Variants in CCDC175 observed in about 807,000 individuals in gnomAD.
CCDC175 encodes coiled-coil domain-containing protein 175.
A neutral mutation model predicts 114.6 loss-of-function variants in CCDC175; 100 were observed. That is an observed-to-expected ratio of 0.87 (90% CI 0.74 to 1.03). The LOEUF (loss-of-function observed/expected upper bound fraction) is 1.03. CCDC175 is among the 50% of genes least tolerant of loss of function. CCDC175 has a pLI of 0.00. For missense variants in CCDC175, 880 were observed against 917.8 expected, an observed-to-expected ratio of 0.96 and a Z score of 0.53; for synonymous variants, 306 against 308.7, an observed-to-expected ratio of 0.99 and a Z score of 0.09.
intron 11 of CCDC175, 44 bp from the exon 12 acceptor site, chr14:59,538,884 A>G (rs549048763): frequency 7.4e-6 from 11 of 1,488,154 alleles, no homozygotes; most frequent in Middle Eastern, 1.7e-4. Flanking sequence ...TTGACATAGC[A>G]GTTTACTAAA....
intron 7 of CCDC175, among the ~76,000 whole-genome samples, chr14:59,560,883 CT>C (rs1356204644): frequency 6.6e-6 from 1 of 152,042 alleles, no homozygotes; most frequent in African/African-American, 2.4e-5. Context: ...CCAAAGAGTC[CT>C]TTCCTTTCCC....
intron 14 of CCDC175, among the ~76,000 whole-genome samples, chr14:59,527,707 T>C (rs1220078156): frequency 6.6e-6 from 1 of 152,138 alleles, no homozygotes; most frequent in Non-Finnish European, 1.5e-5. Flanking sequence ...ATATAATTAA[T>C]TCATACCAAA....
intron 7 of CCDC175, among the ~76,000 whole-genome samples, chr14:59,552,843 A>G (rs1280104643): frequency 1.3e-5 from 2 of 149,552 alleles, no homozygotes; most frequent in Non-Finnish European, 3.0e-5. Context: ...AGCTGATTTC[A>G]TCAACTGGAA....
intron 17 of CCDC175, among the ~76,000 whole-genome samples, chr14:59,519,718 C>T (rs1201257291): frequency 1.3e-5 from 2 of 152,190 alleles, no homozygotes; most frequent in East Asian, 1.9e-4. Flanking sequence ...GATGCTGACA[C>T]TTCTTCCATT....
chr14:59,521,308 C>G (rs967718778), intron 17 of CCDC175, among the ~76,000 whole-genome samples: 1 of 152,168 alleles, frequency 6.6e-6, no homozygotes, highest in South Asian at 2.1e-4. Context: ...GGATTTACAC[C>G]AGTGGTTTGG....
At chr14:59,544,018 T>C (rs1273237039) in intron 9 of CCDC175, among the ~76,000 whole-genome samples, 1 of 152,240 alleles carries the variant, frequency 6.6e-6, no homozygotes, top group Non-Finnish European at 1.5e-5. Context: ...AATAAGAGTG[T>C]GATCTTAAGC....
At chr14:59,523,920 CG>C (rs1893579810) in intron 16 of CCDC175, among the ~76,000 whole-genome samples, 1 of 151,604 alleles carries the variant, frequency 6.6e-6, no homozygotes, top group Admixed American at 6.6e-5. Context: ...ACCTGGGAGG[CG>C]GAGCTTGCAG....
At chr14:59,575,519 T>G (rs1329639984) in intron 1 of CCDC175, among the ~76,000 whole-genome samples, 1 of 149,522 alleles carries the variant, frequency 6.7e-6, no homozygotes, top group Non-Finnish European at 1.5e-5. Context: ...TTTTTTTTTT[T>G]TTTTTTTTGA....
intron 8 of CCDC175, 94 bp downstream of exon 8, chr14:59,551,261 C>T: frequency 1.6e-6 from 1 of 629,646 alleles, no homozygotes; most frequent in Non-Finnish European, 2.4e-6. Flanking sequence ...GAAAAACATC[C>T]TTTTGAAAAA....
intron 4 of CCDC175, 61 bp from the exon 5 acceptor site, chr14:59,565,336 T>A: frequency 7.6e-7 from 1 of 1,318,122 alleles, no homozygotes; most frequent in South Asian, 1.4e-5. Context: ...GAATAGTCTG[T>A]GTGGTGAGAA....
intron 4 of CCDC175, among the ~76,000 whole-genome samples, chr14:59,565,518 C>T (rs1896485448): frequency 1.3e-5 from 2 of 152,090 alleles, no homozygotes; most frequent in Admixed American, 6.5e-5. Flanking sequence ...TGCAGCCTGG[C>T]CAACATGGTG....
At chr14:59,561,701 G>A (rs1896235332) in intron 6 of CCDC175, among the ~76,000 whole-genome samples, 1 of 152,074 alleles carries the variant, frequency 6.6e-6, no homozygotes, top group Admixed American at 6.5e-5. Context: ...TTTAGGAAAT[G>A]GAATAATTGG....
chr14:59,523,897 G>A (rs961355932), intron 16 of CCDC175, among the ~76,000 whole-genome samples: 16 of 152,140 alleles, frequency 1.1e-4, no homozygotes, highest in African/African-American at 3.9e-4. Flanking sequence ...GCTGAGGCAG[G>A]AGAATGGCGT....
chr14:59,551,391 A>C lies in CCDC175; in HGVS notation c.999T>G (p.Asn333Lys). Residue 333 changes from asparagine (N) to lysine (K), a missense_variant, in exon 8 of 20, where the codon AAT becomes AAG. Asn to Lys is a moderately conservative substitution (Grantham distance 94). Transcript: ENST00000537690. ...TGTTCAGGAATTCATTTTTTTCATC[A>C]TTAGATATATCATCTAGTTTTTCTT... ...DNKEKLDDISNDEKNEFLNKI... is the reference protein window; with the variant it reads ...DNKEKLDDISKDEKNEFLNKI... 8.9e-6 allele frequency: 13 copies of C among 1,461,024 alleles called. No individual in the cohort carries two copies. The highest frequency in any genetic ancestry group is 1.2e-5 in the Non-Finnish European group (13 of 1,093,808). 90.5% of individuals were successfully genotyped at this position (1,461,024 alleles called of 1,614,324 possible).
chr14:59,519,098 C>T (rs1893276672), intron 17 of CCDC175, among the ~76,000 whole-genome samples: 1 of 152,074 alleles, frequency 6.6e-6, no homozygotes, highest in Non-Finnish European at 1.5e-5. Flanking sequence ...TGTTCTCACT[C>T]ATAGGTGGGA....
chr14:59,566,215 A>G (rs997660173), intron 4 of CCDC175, among the ~76,000 whole-genome samples: 9 of 152,218 alleles, frequency 5.9e-5, no homozygotes, highest in Non-Finnish European at 1.3e-4. Flanking sequence ...GGCGGTGTCC[A>G]TCTAAGGAAG....
rs1266562304 is a variant in CCDC175, at chr14:59,551,347, C to A, written c.1035+8G>T. The A allele has an allele frequency of 4.0e-6, 5 of 1,256,202 alleles. No homozygotes were observed. Among genetic ancestry groups the A allele is most frequent in the Non-Finnish European group, 5.4e-6 (5 of 932,958 alleles). The allele number at this position is 1,256,202 out of a possible 1,614,324, so 77.8% of individuals were successfully genotyped here. On this transcript the variant is annotated splice_region_variant and intron_variant, in intron 8 of 19. Transcript: ENST00000537690. The stretch of plus-strand genomic sequence containing the variant: ...ATAATGTAAAAGTCATGACTTCTGC[C>A]TTCTTACCTGTTTTATCTTGTTCAG...
chr14:59,520,965 A>C (rs1291115736), intron 17 of CCDC175, among the ~76,000 whole-genome samples: 1 of 152,216 alleles, frequency 6.6e-6, no homozygotes, highest in Non-Finnish European at 1.5e-5. Context: ...AAATGGGTGC[A>C]TTTTTTGTAT....
chr14:59,545,229 C>G lies in CCDC175; in HGVS notation c.1106G>C (p.Arg369Thr). The change falls in exon 9 of 20, where the codon AGA becomes ACA. Residue 369 changes from arginine (R) to threonine (T), a missense_variant. By Grantham distance (71) the Arg-to-Thr change is moderately conservative. Transcript: ENST00000537690. ...DLREKMKTLA[R>T]QYKIVLSEEE... is the part of the protein sequence containing the mutation. The stretch of plus-strand genomic sequence containing the variant: ...CTCACTTAAAACAATCTTATATTGT[C>G]TGGCAAGAGTTTTCATTTTCTCTCG... The G allele has an allele frequency of 6.5e-7, 1 of 1,536,808 alleles. No individual in the cohort carries two copies. Among genetic ancestry groups the G allele is most frequent in the Non-Finnish European group, 8.7e-7 (1 of 1,146,652 alleles).
Sources: gnomAD v4.1 joint callset for allele counts (sites outside exome capture counted in the v4.1 genomes callset) on GRCh38, gnomAD v4.1.1 for gene constraint, MANE v1.5 for transcripts, NCBI Gene and HGNC (gene_info 2026-07-23, HGNC 2026-07-21) for gene names.